ANXA4: variants seen among roughly 807,000 people sequenced by gnomAD.
The protein encoded by ANXA4 is 35-beta calcimedin.
A neutral mutation model predicts 49.8 loss-of-function variants in ANXA4; 39 were observed. The ratio of observed to expected loss-of-function variants is 0.78; its 90% CI spans 0.61 to 1.02. The LOEUF is 1.02. Ranked by LOEUF, ANXA4 falls within the 50% of genes least tolerant of loss-of-function variation. The pLI is 0.00. For missense variants in ANXA4, 360 were observed against 410.1 expected, an observed-to-expected ratio of 0.88 and a Z score of 1.05; for synonymous variants, 134 against 152.5, an observed-to-expected ratio of 0.88 and a Z score of 0.89.
intron 2 of ANXA4, among the ~76,000 whole-genome samples, chr2:69,657,570 C>T (rs1676553198): frequency 6.6e-6 from 1 of 152,086 alleles, no homozygotes; most frequent in Non-Finnish European, 1.5e-5. Flanking sequence ...ATTTTTGCCT[C>T]CCCAAATATT....
At chr2:69,797,449 G>T (rs965103531) in intron 3 of ANXA4, among the ~76,000 whole-genome samples, 2 of 152,192 alleles carry the variant, frequency 1.3e-5, no homozygotes, top group African/African-American at 2.4e-5. Context: ...TGACCTCCTA[G>T]ACCTGTGTGA....
At chr2:69,768,252 G>T (rs1671573480) in intron 1 of ANXA4, among the ~76,000 whole-genome samples, 1 of 152,174 alleles carries the variant, frequency 6.6e-6, no homozygotes, top group Non-Finnish European at 1.5e-5. Context: ...AGTACAACTA[G>T]CTCAATAACT....
At chr2:69,684,698 A>AAAAG (rs925797140) in intron 2 of ANXA4, among the ~76,000 whole-genome samples, 3 of 151,150 alleles carry the variant, frequency 2.0e-5, no homozygotes, top group African/African-American at 7.3e-5. Context: ...AAAAAAAAAA[A>AAAAG]AAAGAAAGAA....
chr2:69,761,776 T>TA (rs56109057), intron 1 of ANXA4, among the ~76,000 whole-genome samples: 5,317 of 135,220 alleles, frequency 0.039, 322 homozygotes, highest in African/African-American at 0.12. Flanking sequence ...GATGCTGTCT[T>TA]AAAAAAAAAA....
intron 2 of ANXA4, among the ~76,000 whole-genome samples, chr2:69,664,401 G>T (rs1294727761): frequency 6.6e-6 from 1 of 152,084 alleles, no homozygotes; most frequent in African/African-American, 2.4e-5. Flanking sequence ...GTGGGGAAGG[G>T]TAATAAGCTA....
At chr2:69,699,824 A>G (rs1236703450) in intron 2 of ANXA4, among the ~76,000 whole-genome samples, 1 of 152,238 alleles carries the variant, frequency 6.6e-6, no homozygotes, top group Non-Finnish European at 1.5e-5. Flanking sequence ...AGGGTCCATC[A>G]TGACCAAGAA....
At chr2:69,757,262 ATATATTTTTTTTTTT>A (rs1322554259) in intron 1 of ANXA4, among the ~76,000 whole-genome samples, 844 of 50,146 alleles carry the variant, frequency 0.017, 13 homozygotes, top group African/African-American at 0.083. Context: ...ATATATATAT[ATATATTTTTTTTTTT>A]TTTTTTTTTT....
intron 2 of ANXA4, among the ~76,000 whole-genome samples, chr2:69,717,446 GATC>G (rs1371390630): frequency 3.3e-5 from 5 of 152,054 alleles, no homozygotes; most frequent in African/African-American, 1.2e-4. Context: ...GGTGGCATTT[GATC>G]ATTATTCCTG....
At chr2:69,660,951 A>G (rs939832674) in intron 2 of ANXA4, among the ~76,000 whole-genome samples, 4 of 152,184 alleles carry the variant, frequency 2.6e-5, no homozygotes, top group African/African-American at 7.2e-5. Context: ...CCAGAAGCAT[A>G]AGTCCTAAAA....
chr2:69,692,969 A>T (rs1031380517), intron 2 of ANXA4, among the ~76,000 whole-genome samples: 3 of 152,112 alleles, frequency 2.0e-5, no homozygotes, highest in Non-Finnish European at 2.9e-5. Flanking sequence ...GCATACTGCT[A>T]ATGTGTGTGT....
At chr2:69,812,416 G>C (rs894305371) in intron 7 of ANXA4, among the ~76,000 whole-genome samples, 59 of 152,274 alleles carry the variant, frequency 3.9e-4, no homozygotes, top group African/African-American at 1.2e-3. Context: ...TCCTGCTATT[G>C]GCAGAGGCAC....
At chr2:69,703,018 A>G (rs1293277181) in intron 2 of ANXA4, among the ~76,000 whole-genome samples, 3 of 152,196 alleles carry the variant, frequency 2.0e-5, no homozygotes, top group Non-Finnish European at 4.4e-5. Context: ...ATTATTGTCC[A>G]GCGCATGCAA....
chr2:69,684,712 GA>G (rs1174017930), intron 2 of ANXA4, among the ~76,000 whole-genome samples: 4 of 148,450 alleles, frequency 2.7e-5, no homozygotes, highest in South Asian at 4.3e-4. Context: ...GAAAGAAAGA[GA>G]AAAAAAAACC....
chr2:69,743,408 G>A (rs541309640), intron 1 of ANXA4, among the ~76,000 whole-genome samples: 35 of 152,216 alleles, frequency 2.3e-4, no homozygotes, highest in Middle Eastern at 3.4e-3. Context: ...AGTAGAGATG[G>A]GGTTTTAACA....
At chr2:69,756,161 C>G (rs2105507612) in intron 1 of ANXA4, among the ~76,000 whole-genome samples, 2 of 152,338 alleles carry the variant, frequency 1.3e-5, no homozygotes, top group South Asian at 4.1e-4. Flanking sequence ...CTGGCCTTAC[C>G]TTGTGGGTTA....
At chr2:69,664,137 T>A (rs930451054) in intron 2 of ANXA4, among the ~76,000 whole-genome samples, 1 of 152,224 alleles carries the variant, frequency 6.6e-6, no homozygotes, top group Non-Finnish European at 1.5e-5. Context: ...GACAATGGAA[T>A]AATGTCTTTA....
At chr2:69,700,081 C>T (rs780858047) in intron 2 of ANXA4, 7 of 152,098 alleles carry the variant, frequency 4.6e-5, no homozygotes, top group Admixed American at 2.0e-4. Flanking sequence ...CTTAACATTA[C>T]GATTTTAGAC....
intron 3 of ANXA4, among the ~76,000 whole-genome samples, chr2:69,790,384 G>C (rs1476467608): frequency 1.3e-5 from 2 of 152,034 alleles, no homozygotes; most frequent in Non-Finnish European, 2.9e-5. Context: ...CCTCGTAGGA[G>C]GGCAGTTTCA....
At chr2:69,694,643 G>A (rs370968091) in intron 2 of ANXA4, among the ~76,000 whole-genome samples, 5 of 150,566 alleles carry the variant, frequency 3.3e-5, no homozygotes, top group East Asian at 3.9e-4. Context: ...TTGTCCTTGC[G>A]ATAGTTTGCT....
Sources: gnomAD v4.1 joint callset for allele counts (sites outside exome capture counted in the v4.1 genomes callset) on GRCh38, gnomAD v4.1.1 for gene constraint, MANE v1.5 for transcripts, NCBI Gene and HGNC (gene_info 2026-07-23, HGNC 2026-07-21) for gene names.